The following CHRM2 variants were observed in gnomAD, a reference collection of about 807,000 sequenced individuals.
CHRM2 encodes the protein muscarinic acetylcholine receptor M2.
Under a neutral mutation model 25.0 loss-of-function variants are expected in CHRM2, and 8 were observed. The observed-to-expected ratio is 0.32, with a 90% CI of 0.19 to 0.58. The LOEUF (loss-of-function observed/expected upper bound fraction) is 0.58, where lower values mean the gene tolerates loss of function less well. Among genes scored for constraint, CHRM2 ranks in the 20% least tolerant of loss-of-function variants. CHRM2 has a pLI of 0.88. For missense variants in CHRM2, 440 were observed against 567.1 expected (o/e 0.78, Z 2.28); for synonymous variants, 202 against 205.7 (o/e 0.98, Z 0.15).
chr7:136,968,731 T>C (rs887876900), intron 2 of CHRM2, among the ~76,000 whole-genome samples: 5 of 147,500 alleles, frequency 3.4e-5, no homozygotes, highest in Admixed American at 2.7e-4. Flanking sequence ...AATATATATA[T>C]ATATATATAT....
intron 2 of CHRM2, among the ~76,000 whole-genome samples, chr7:136,879,648 CTAAT>C (rs775445711): frequency 2.6e-5 from 4 of 151,834 alleles, no homozygotes; most frequent in Non-Finnish European, 4.4e-5. Flanking sequence ...TAACAGGGCC[CTAAT>C]TAATTAAAGT....
chr7:136,899,784 C>T (rs1797100365), intron 2 of CHRM2: 1 of 150,878 alleles, frequency 6.6e-6, no homozygotes. Context: ...AACTCAATGA[C>T]TTGTTTTTGA....
intron 2 of CHRM2, among the ~76,000 whole-genome samples, chr7:136,873,215 T>A (rs540766721): frequency 1.3e-5 from 2 of 152,332 alleles, no homozygotes; most frequent in South Asian, 2.1e-4. Context: ...TGAGCAGGCA[T>A]CAGGACTTCT....
At chr7:137,006,734 T>C (rs1804456041) in intron 3 of CHRM2, among the ~76,000 whole-genome samples, 1 of 152,056 alleles carries the variant, frequency 6.6e-6, no homozygotes, top group Admixed American at 6.6e-5. Flanking sequence ...TAAAATGCAG[T>C]ATGTGTTTGG....
intron 2 of CHRM2, among the ~76,000 whole-genome samples, chr7:136,892,839 T>A (rs968511158): frequency 6.6e-6 from 1 of 151,958 alleles, no homozygotes; most frequent in Admixed American, 6.5e-5. Flanking sequence ...CTGGCTAATT[T>A]TTGTATTTTT....
chr7:137,011,169 A>G (rs764522972), intron 3 of CHRM2, among the ~76,000 whole-genome samples: 2 of 148,846 alleles, frequency 1.3e-5, no homozygotes, highest in Non-Finnish European at 3.0e-5. Flanking sequence ...CTCCAGAGAG[A>G]CAGAACCAAT....
Position 137,015,321 on chromosome 7 carries a change from C to T in CHRM2, c.456C>T (p.Phe152=), listed in dbSNP as rs148163637. Residue 152 remains phenylalanine, a synonymous_variant, in exon 4 of 4, where the codon TTC becomes TTT. Coordinates refer to ENST00000680005, the MANE Select transcript of CHRM2 (RefSeq NM_001006630.2). This position sits in a 1 kb window ranked among gnomAD's most constrained non-coding sequence, Gnocchi z 5.1. ...MMIAAAWVLS[F]ILWAPAILFW... ...TTGCAGCTGCCTGGGTCCTCTCTTT[C>T]ATCCTCTGGGCTCCAGCCATTCTCT... The T allele has an allele frequency of 5.5e-4, 880 of 1,613,396 alleles. 7 individuals are homozygous for T. In the East Asian group the frequency reaches 0.013, roughly 24 times the overall value.
intron 3 of CHRM2, among the ~76,000 whole-genome samples, chr7:137,013,782 G>A (rs73160443): frequency 0.043 from 6,608 of 152,056 alleles, 189 homozygotes; most frequent in Non-Finnish European, 0.064. Flanking sequence ...ACCCATGTCT[G>A]CCACCAGGCA....
At position 137,017,936 on chromosome 7, in the gene CHRM2, A is replaced by G. The variant is rs764237418; in HGVS notation, c.*1670A>G. The G allele has an allele frequency of 1.5e-4, 23 of 151,928 alleles. No individual in the cohort carries two copies. Among genetic ancestry groups the G allele is most frequent in the Non-Finnish European group, 2.9e-4 (20 of 67,902 alleles). The allele number at this position is 151,928 out of a possible 1,614,324, so 9.4% of individuals were successfully genotyped here. On this transcript the variant is annotated 3_prime_UTR_variant, in exon 4 of 4. Transcript: ENST00000680005. ...ATACAACTAGTTATTTTTATCCTTT[A>G]TATTTTTCTTACAGTATTTGCTGTA...
intron 2 of CHRM2, among the ~76,000 whole-genome samples, chr7:136,949,605 G>C (rs951845064): frequency 6.6e-6 from 1 of 152,112 alleles, no homozygotes; most frequent in African/African-American, 2.4e-5. Context: ...TCCAGCCTGG[G>C]TGATAGAACA....
chr7:137,008,330 T>G (rs942858457), intron 3 of CHRM2, among the ~76,000 whole-genome samples: 2 of 152,058 alleles, frequency 1.3e-5, no homozygotes, highest in Non-Finnish European at 2.9e-5. Flanking sequence ...GATCATTATA[T>G]TTTTTATGTT....
At chr7:136,933,425 A>T (rs1799226788) in intron 2 of CHRM2, among the ~76,000 whole-genome samples, 1 of 152,372 alleles carries the variant, frequency 6.6e-6, no homozygotes, top group Non-Finnish European at 1.5e-5. Flanking sequence ...AATCAAAAAG[A>T]TAATATCAAG....
At chr7:136,883,759 G>GT (rs55649502) in intron 2 of CHRM2, among the ~76,000 whole-genome samples, 5,256 of 152,146 alleles carry the variant, frequency 0.035, 129 homozygotes, top group Middle Eastern at 0.075. Context: ...TTACAATTTA[G>GT]TGGTAAGATT....
chr7:136,931,814 C>T (rs1340967773), intron 2 of CHRM2, among the ~76,000 whole-genome samples: 1 of 152,210 alleles, frequency 6.6e-6, no homozygotes, highest in Non-Finnish European at 1.5e-5. Flanking sequence ...GAAAAATACA[C>T]TTTGAATCCA....
intron 2 of CHRM2, among the ~76,000 whole-genome samples, chr7:136,890,614 G>A (rs978018403): frequency 4.6e-5 from 7 of 152,142 alleles, no homozygotes; most frequent in African/African-American, 7.2e-5. Context: ...GAAACCACCC[G>A]CTGAGCTCCA....
intron 2 of CHRM2, among the ~76,000 whole-genome samples, chr7:136,875,889 C>T (rs1466816402): frequency 6.6e-6 from 1 of 150,454 alleles, no homozygotes; most frequent in Non-Finnish European, 1.5e-5. Flanking sequence ...CCCCTTTATT[C>T]TCCTCCTCCT....
rs1167516571 is a variant in CHRM2, at chr7:136,869,286, C to G, written c.-257C>G. 2.0e-5 allele frequency: 3 copies of G among 152,482 alleles called. No homozygotes were observed. The highest frequency in any genetic ancestry group is 4.8e-5 in the African/African-American group (2 of 41,454). 9.4% of individuals were successfully genotyped at this position (152,482 alleles called of 1,614,324 possible). A position where few individuals can be genotyped will look rare whatever the true frequency, so the allele number is the denominator to read the frequency against. ...ATCAAGGGAGAAAGAGAACCGGCAG[C>G]TGGCCTCGGACTCTAAGCGGTGCGC... is the stretch of plus-strand genomic sequence containing the variant. On this transcript the variant is annotated 5_prime_UTR_variant, in exon 2 of 4. Coordinates refer to ENST00000680005, the MANE Select transcript of CHRM2 (RefSeq NM_001006630.2). The surrounding 1 kb of genome is among the most constrained non-coding windows in gnomAD (Gnocchi z 4.9).
At chr7:136,900,531 A>C (rs1797139971) in intron 2 of CHRM2, among the ~76,000 whole-genome samples, 1 of 151,964 alleles carries the variant, frequency 6.6e-6, no homozygotes, top group East Asian at 1.9e-4. Flanking sequence ...CTACTTGTGA[A>C]GTGCGAGGAG....
intron 2 of CHRM2, among the ~76,000 whole-genome samples, chr7:136,988,929 C>T (rs902163627): frequency 2.0e-5 from 3 of 151,928 alleles, no homozygotes; most frequent in African/African-American, 4.8e-5. Flanking sequence ...ATAATCAATG[C>T]TTATTTAGTA....
Sources: gnomAD v4.1 joint callset for allele counts (sites outside exome capture counted in the v4.1 genomes callset) on GRCh38, gnomAD v4.1.1 for gene constraint, Gnocchi (gnomAD v3.1) non-coding constraint, MANE v1.5 for transcripts, NCBI Gene and HGNC (gene_info 2026-07-23, HGNC 2026-07-21) for gene names.